CDT1: variants seen among roughly 807,000 people sequenced by gnomAD.
CDT1 encodes DNA replication factor Cdt1.
In CDT1, 66 loss-of-function variants were observed where a neutral mutation model predicts 49.3. The observed-to-expected ratio is 1.34, with a 90% CI of 1.10 to 1.64. CDT1 has a LOEUF of 1.64. Among genes scored for constraint, CDT1 ranks in the 40% most tolerant of loss-of-function variants. The probability of loss-of-function intolerance (pLI) is 0.00; values close to 1 mark genes in which losing one functional copy is unlikely to be tolerated. For missense variants in CDT1, 958 were observed against 807.7 expected (o/e 1.19, Z -2.26); for synonymous variants, 424 against 347.4 (o/e 1.22, Z -2.45).
At position 88,805,496 on chromosome 16, in the gene CDT1, C is replaced by G; in HGVS notation, c.545C>G (p.Pro182Arg). The G allele has an allele frequency of 6.2e-7, 1 of 1,612,866 alleles. No homozygotes were observed. The highest frequency in any genetic ancestry group is 1.1e-5 in the South Asian group (1 of 91,088). The stretch of plus-strand genomic sequence containing the variant: ...CATGCCCTGGCCCAGCCCGGCCTGC[C>G]GGGACTCGTGCTGCCCTACAAGTAC... ...RFHALAQPGLPGLVLPYKYQV... is the reference protein window; with the variant it reads ...RFHALAQPGLRGLVLPYKYQV... The change falls in exon 4 of 10, where the codon CCG (proline) becomes CGG (arginine). Residue 182 changes from proline to arginine, a missense_variant. By Grantham distance (103) the Pro-to-Arg change is moderately radical. Transcript: ENST00000301019.
In CDT1 at chr16:88,808,306, G is replaced by A. The variant is rs1567503266; in HGVS notation, c.*28G>A. On this transcript the variant is annotated 3_prime_UTR_variant, in exon 10 of 10. Transcript: ENST00000301019. ...CTGGGGGCCACTGTGGACAGACGTG[G>A]GCTTCAGAAGCTCGCTGGCCTGGGC... is the stretch of plus-strand genomic sequence containing the variant. 1.9e-6 allele frequency: 3 copies of A among 1,557,808 alleles called. No homozygotes were observed. The highest frequency in any genetic ancestry group is 2.6e-6 in the Non-Finnish European group (3 of 1,150,174).
At position 88,808,568 on chromosome 16, in the gene CDT1, C is replaced by A. The variant is rs1908962450; in HGVS notation, c.*290C>A. 5 of 493,936 alleles carry A rather than the reference C, an allele frequency of 1.0e-5. No individual in the cohort carries two copies. The East Asian group carries it at 1.5e-4, about 14-fold the overall frequency. 30.6% of individuals were successfully genotyped at this position (493,936 alleles called of 1,614,324 possible). On this transcript the variant is annotated 3_prime_UTR_variant, in exon 10 of 10. Coordinates refer to ENST00000301019, the MANE Select transcript of CDT1 (RefSeq NM_030928.4). ...CCAGATCCAGCACCCCCTGGGGGGC[C>A]ATCGGGAGTGTGGCTGGGGGTGAAG...
In CDT1 at chr16:88,806,092, C is replaced by G. The variant is rs371671359; in HGVS notation, c.904C>G (p.Leu302Val). Reference protein sequence around the residue: ...LQRRQIFSQKLVEHVKEHHKA... With the variant: ...LQRRQIFSQKVVEHVKEHHKA... ...GCGACGGCAGATCTTCAGCCAGAAG[C>G]TGGTGGAGCATGTCAAGGAGCACCA... The change falls in exon 6 of 10, where the codon CTG (leucine) becomes GTG (valine). Residue 302 changes from leucine (L) to valine (V), a missense_variant. Coordinates refer to ENST00000301019, the MANE Select transcript of CDT1 (RefSeq NM_030928.4). 6 of 1,601,846 alleles carry G rather than the reference C, an allele frequency of 3.7e-6. No homozygotes were observed. In the African/African-American group the frequency reaches 6.7e-5, roughly 18 times the overall value.
In CDT1 at chr16:88,808,155, G is replaced by A. The variant is rs1393087515; in HGVS notation, c.1518G>A (p.Leu506=). The part of the protein sequence containing the change: ...EKHLLLLSEL[L]PDWLSLHRIR... Reference sequence around the variant, plus strand: ...ACCTGCTGCTCCTCTCCGAGCTGCTGCCGGACTGGCTCAGCCTCCACCGCA... The same window carrying A: ...ACCTGCTGCTCCTCTCCGAGCTGCTACCGGACTGGCTCAGCCTCCACCGCA... Residue 506 remains leucine, a synonymous_variant, in exon 10 of 10, where the codon CTG becomes CTA. Coordinates refer to ENST00000301019, the MANE Select transcript of CDT1 (RefSeq NM_030928.4). The A allele has an allele frequency of 6.2e-7, 1 of 1,612,692 alleles. No individual in the cohort carries two copies. The highest frequency in any genetic ancestry group is 8.5e-7 in the Non-Finnish European group (1 of 1,179,964).
chr16:88,804,174 G>A, intron 1 of CDT1, 115 bp downstream of exon 1: 1 of 745,990 alleles, frequency 1.3e-6, no homozygotes, highest in Non-Finnish European at 1.9e-6. Flanking sequence ...ACAGGCGGGG[G>A]GGACGGGGCG....
At position 88,806,098 on chromosome 16, in the gene CDT1, G is replaced by T; in HGVS notation, c.910G>T (p.Glu304Ter). The change falls in exon 6 of 10, where the codon GAG becomes TAG. Residue 304 changes from glutamate (E) to a stop codon, truncating the protein, a stop_gained. Transcript: ENST00000301019. LOFTEE classifies it high-confidence loss of function. ...GCAGATCTTCAGCCAGAAGCTGGTG[G>T]AGCATGTCAAGGAGCACCACAAGGT... ...RRQIFSQKLV[E>*]HVKEHHKAFL... is the part of the protein sequence containing the mutation. The T allele has an allele frequency of 6.2e-7, 1 of 1,601,628 alleles. No individual in the cohort carries two copies. Among genetic ancestry groups the T allele is most frequent in the South Asian group, 1.1e-5 (1 of 90,054 alleles).
At chr16:88,804,364 A>C (rs1295114734) in intron 1 of CDT1, among the ~76,000 whole-genome samples, 181 bp from the exon 2 acceptor site, 1 of 152,056 alleles carries the variant, frequency 6.6e-6, no homozygotes, top group Non-Finnish European at 1.5e-5. Flanking sequence ...ACGGCCCCGG[A>C]AGACGAGAGC....
intron 9 of CDT1, 62 bp from the exon 10 acceptor site, chr16:88,808,053 A>G (rs1377106441): frequency 6.3e-7 from 1 of 1,576,254 alleles, no homozygotes; most frequent in South Asian, 1.1e-5. Context: ...GCTGGTTTCA[A>G]GTGCTGCCCG....
Position 88,807,282 on chromosome 16 carries a change from T to C in CDT1, c.1277T>C (p.Ile426Thr), listed in dbSNP as rs1597506303. Residue 426 changes from isoleucine to threonine, a missense_variant and splice_region_variant, in exon 9 of 10, where the codon ATC becomes ACC. By Grantham distance (89) the Ile-to-Thr change is moderately conservative. Transcript: ENST00000301019. Reference protein sequence around the residue: ...KGVSQDLLERIRAKEAQKQLA... With the variant: ...KGVSQDLLERTRAKEAQKQLA... ...ACCAGGTCCCGGTACCTGCTGCAGA[T>C]CCGAGCCAAGGAGGCACAGAAGCAG... 6.2e-7 allele frequency: 1 copy of C among 1,612,034 alleles called. No individual in the cohort carries two copies. The highest frequency in any genetic ancestry group is 8.5e-7 in the Non-Finnish European group (1 of 1,179,888).
chr16:88,806,411 C>T, intron 6 of CDT1, 75 bp from the exon 7 acceptor site: 1 of 1,533,472 alleles, frequency 6.5e-7, no homozygotes, highest in African/African-American at 1.4e-5. Context: ...GGGACGTAAG[C>T]ACAGGCCTAC....
rs1318437729 is a variant in CDT1, at chr16:88,809,149, G to A, written c.*871G>A. The A allele has an allele frequency of 1.8e-5, 5 of 281,966 alleles. No homozygotes were observed. The highest frequency in any genetic ancestry group is 2.8e-5 in the Non-Finnish European group (4 of 143,136). 17.5% of individuals were successfully genotyped at this position (281,966 alleles called of 1,614,324 possible). A position where few individuals can be genotyped will look rare whatever the true frequency, so the allele number is the denominator to read the frequency against. ...CAGGCAGCCTGGAGAAGCTGGGCAG[G>A]ACAAGTAGGACATCCCTGGAGCCTC... On this transcript the variant is annotated 3_prime_UTR_variant, in exon 10 of 10. Coordinates refer to ENST00000301019, the MANE Select transcript of CDT1 (RefSeq NM_030928.4).
rs545919129 is a variant in CDT1, at chr16:88,805,496, C to T, written c.545C>T (p.Pro182Leu). 26 of 1,612,864 alleles carry T rather than the reference C, an allele frequency of 1.6e-5. No homozygotes were observed. Among genetic ancestry groups the T allele is most frequent in the Middle Eastern group, 1.6e-4 (1 of 6,062 alleles). Residue 182 changes from proline (P) to leucine (L), a missense_variant, in exon 4 of 10, where the codon CCG (proline) becomes CTG (leucine). Pro to Leu is a moderately conservative substitution (Grantham distance 98). Transcript: ENST00000301019. ...RFHALAQPGL[P>L]GLVLPYKYQV... The stretch of plus-strand genomic sequence containing the variant: ...CATGCCCTGGCCCAGCCCGGCCTGC[C>T]GGGACTCGTGCTGCCCTACAAGTAC...
rs1317256745 is a variant in CDT1 at position 88,804,045 on chromosome 16, C to T, written c.214C>T (p.Leu72=). 6.9e-7 allele frequency: 1 copy of T among 1,452,440 alleles called. No homozygotes were observed. Among genetic ancestry groups the T allele is most frequent in the South Asian group, 1.3e-5 (1 of 74,718 alleles). The allele number at this position is 1,452,440 out of a possible 1,614,324, so 90.0% of individuals were successfully genotyped here. A position where few individuals can be genotyped will look rare whatever the true frequency, so the allele number is the denominator to read the frequency against. Residue 72 remains leucine (L), a synonymous_variant, in exon 1 of 10, where the codon CTG becomes TTG. Coordinates refer to ENST00000301019, the MANE Select transcript of CDT1 (RefSeq NM_030928.4). ...GCCACCGGCCCGCAGGAGACTGCGG[C>T]TGTCGGTGGACGAGGTGAGGGGCGT... ...ARPPARRRLR[L]SVDEVSSPST...
Position 88,804,678 on chromosome 16 carries a change from G to A in CDT1, c.351+11G>A. 6.2e-7 allele frequency: 1 copy of A among 1,612,408 alleles called. No homozygotes were observed. ...TCCGCGCAGGACCAGGTGAGGGGCG[G>A]GGCCTGGGGCAGATGCGGGAGGGCT... On this transcript the variant is annotated intron_variant, in intron 2 of 9. Transcript: ENST00000301019.
Position 88,804,772 on chromosome 16 carries a change from C to G in CDT1, c.362C>G (p.Ser121Cys). The G allele has an allele frequency of 1.9e-6, 3 of 1,612,878 alleles. No individual in the cohort carries two copies. Among genetic ancestry groups the G allele is most frequent in the Non-Finnish European group, 2.5e-6 (3 of 1,179,910 alleles). ...CTGATCCCCCTGAAGGACACCATCT[C>G]TGAGCTTGCGTCATGCCTGCAACGG... Reference protein sequence around the residue: ...LTSAQDQDTISELASCLQRAR... With the variant: ...LTSAQDQDTICELASCLQRAR... Residue 121 changes from serine (S) to cysteine (C), a missense_variant, in exon 3 of 10, where the codon TCT (serine) becomes TGT (cysteine). By Grantham distance (112) the Ser-to-Cys change is moderately radical. Transcript: ENST00000301019.
chr16:88,808,315 A>G lies in CDT1; in HGVS notation c.*37A>G. On this transcript the variant is annotated 3_prime_UTR_variant, in exon 10 of 10. Transcript: ENST00000301019. Reference sequence around the variant, plus strand: ...ACTGTGGACAGACGTGGGCTTCAGAAGCTCGCTGGCCTGGGCCCACCAGCA... The same window carrying G: ...ACTGTGGACAGACGTGGGCTTCAGAGGCTCGCTGGCCTGGGCCCACCAGCA... 1 of 1,549,368 alleles carries G rather than the reference A, an allele frequency of 6.5e-7. No individual in the cohort carries two copies. Among genetic ancestry groups the G allele is most frequent in the Non-Finnish European group, 8.7e-7 (1 of 1,145,572 alleles).
chr16:88,806,407 T>C, intron 6 of CDT1, 79 bp from the exon 7 acceptor site: 1 of 1,524,944 alleles, frequency 6.6e-7, no homozygotes, highest in South Asian at 1.2e-5. Flanking sequence ...GGCTGGGACG[T>C]AAGCACAGGC....
At chr16:88,807,635 G>T (rs542924696) in intron 9 of CDT1, among the ~76,000 whole-genome samples, 153 bp downstream of exon 9, 2 of 152,298 alleles carry the variant, frequency 1.3e-5, no homozygotes, top group East Asian at 3.9e-4. Context: ...TGTCCTGGGC[G>T]CTCTGCCCTC....
Position 88,808,493 on chromosome 16 carries a change from A to C in CDT1, c.*215A>C. On this transcript the variant is annotated 3_prime_UTR_variant, in exon 10 of 10. Transcript: ENST00000301019. Reference sequence around the variant, plus strand: ...GGGCTCACCTGGTGGATTCACATTAAACCGGTTTCTGTGGGCACCTCTGTC... The same window carrying C: ...GGGCTCACCTGGTGGATTCACATTACACCGGTTTCTGTGGGCACCTCTGTC... 1.7e-6 allele frequency: 1 copy of C among 598,550 alleles called. No individual in the cohort carries two copies. The allele number at this position is 598,550 out of a possible 1,614,324, so 37.1% of individuals were successfully genotyped here.
Sources: gnomAD v4.1 joint callset for allele counts (sites outside exome capture counted in the v4.1 genomes callset) on GRCh38, gnomAD v4.1.1 for gene constraint, MANE v1.5 for transcripts, NCBI Gene and HGNC (gene_info 2026-07-23, HGNC 2026-07-21) for gene names.